Variants in NRBP1 observed in about 807,000 individuals in gnomAD.
NRBP1 encodes the protein nuclear receptor-binding protein.
In NRBP1, 10 loss-of-function variants were observed where a neutral mutation model predicts 76.0. That is an observed-to-expected ratio of 0.13 (90% CI 0.08 to 0.22). The LOEUF (loss-of-function observed/expected upper bound fraction) is 0.22. Ranked by LOEUF, NRBP1 falls within the 10% of genes least tolerant of loss-of-function variation. The pLI is 1.00. For synonymous variants in NRBP1, 235 were observed against 240.2 expected, an observed-to-expected ratio of 0.98 and a Z score of 0.20; for missense variants, 344 against 646.0, an observed-to-expected ratio of 0.53 and a Z score of 5.07.
Position 27,436,797 on chromosome 2 carries a change from G to A in NRBP1, c.706G>A (p.Glu236Lys). The A allele has an allele frequency of 6.2e-7, 1 of 1,614,106 alleles. No homozygotes were observed. Among genetic ancestry groups the A allele is most frequent in the Non-Finnish European group, 8.5e-7 (1 of 1,179,996 alleles). Residue 236 changes from glutamate to lysine, a missense_variant, in exon 8 of 18, where the codon GAG becomes AAG. Glu to Lys is a moderately conservative substitution (Grantham distance 56, BLOSUM62 1). Transcript: ENST00000379852. ...INNHVKTCRE[E>K]QKNLHFFAPE... ...CAATCATGTGAAGACTTGTCGAGAA[G>A]AGCAGAAGAATCTACACTTCTTTGC...
At chr2:27,441,053 T>C in intron 14 of NRBP1, 74 bp from the exon 15 acceptor site, 1 of 1,608,550 alleles carries the variant, frequency 6.2e-7, no homozygotes, top group Non-Finnish European at 8.5e-7. Context: ...CCATGCCCTA[T>C]GGGCTCGAAA....
intron 10 of NRBP1, among the ~76,000 whole-genome samples, chr2:27,437,701 C>T (rs1324246584): frequency 4.6e-5 from 7 of 151,470 alleles, no homozygotes; most frequent in Non-Finnish European, 7.4e-5. Context: ...GAAACCCTGT[C>T]TCTACTAAAA....
intron 9 of NRBP1, 65 bp downstream of exon 9, chr2:27,437,170 A>C (rs1664340050): frequency 6.3e-7 from 1 of 1,582,974 alleles, no homozygotes; most frequent in African/African-American, 1.3e-5. Flanking sequence ...GAATGGAGGG[A>C]AGACAAGTAA....
intron 1 of NRBP1, among the ~76,000 whole-genome samples, chr2:27,430,513 G>C (rs1266079284): frequency 2.1e-5 from 3 of 141,160 alleles, no homozygotes; most frequent in Admixed American, 1.5e-4. Flanking sequence ...CTGTCACCCA[G>C]GCTGGAGTGC....
At chr2:27,432,872 C>T (rs1022407328) in intron 1 of NRBP1, among the ~76,000 whole-genome samples, 6 of 151,998 alleles carry the variant, frequency 3.9e-5, no homozygotes, top group African/African-American at 9.7e-5. Context: ...CCACTGTGCT[C>T]AGCTGGATTA....
At chr2:27,440,741 A>G (rs1219141244) in intron 13 of NRBP1, 39 bp downstream of exon 13, 1 of 1,614,070 alleles carries the variant, frequency 6.2e-7, no homozygotes, top group Non-Finnish European at 8.5e-7. Flanking sequence ...TTGAGGAAGC[A>G]GGCGGGGTTG....
intron 6 of NRBP1, 48 bp from the exon 7 acceptor site, chr2:27,435,084 CT>C: frequency 8.4e-7 from 1 of 1,193,026 alleles, no homozygotes. Context: ...TGGGTTCCCC[CT>C]GCCCTTAATT....
chr2:27,439,708 G>A, intron 10 of NRBP1, 58 bp from the exon 11 acceptor site: 3 of 1,604,278 alleles, frequency 1.9e-6, no homozygotes, highest in Non-Finnish European at 1.7e-6. Flanking sequence ...GAGCTATAAA[G>A]ATGAACACAC....
Position 27,437,130 on chromosome 2 carries a change from GA to G in NRBP1, c.804+28del, listed in dbSNP as rs747131489. ...GGTGAGGGGACTGGAGGGGAGGGGGGAAAGGGGTCAGATGAGAAGATGGAAT... is the reference window on the plus strand; with the variant it reads ...GGTGAGGGGACTGGAGGGGAGGGGGGAAGGGGTCAGATGAGAAGATGGAAT... On this transcript the variant is annotated intron_variant, in intron 9 of 17. Transcript: ENST00000379852. 4.6e-5 allele frequency: 74 copies of G among 1,606,240 alleles called. No homozygotes were observed. The African/African-American group carries it at 7.4e-4, about 16-fold the overall frequency.
intron 4 of NRBP1, 81 bp downstream of exon 4, chr2:27,434,171 G>T (rs771924846): frequency 5.2e-6 from 6 of 1,154,844 alleles, no homozygotes; most frequent in Non-Finnish European, 7.6e-6. Context: ...TACACTCAGA[G>T]ATTAAAACAA....
At position 27,438,177 on chromosome 2, in the gene NRBP1, C is replaced by CA. The variant is rs374457826; in HGVS notation, c.903+832dup. Among the ~76,000 whole-genome samples, 1,035 of 133,114 alleles carry CA rather than the reference C, an allele frequency of 7.8e-3. 7 individuals carry two copies. The highest frequency in any genetic ancestry group is 0.023 in the African/African-American group (851 of 37,630). The allele number at this position is 133,114 out of a possible 152,430, so 87.3% of individuals were successfully genotyped here. On this transcript the variant is annotated intron_variant, in intron 10 of 17. Coordinates refer to ENST00000379852, the MANE Select transcript of NRBP1 (RefSeq NM_013392.4). Reference sequence around the variant, plus strand: ...CTGGGGCAAGAGAGCGAGACTGTCTCAAAAAAAAAAAAAAAGTATGTTAAT... The same window carrying CA: ...CTGGGGCAAGAGAGCGAGACTGTCTCAAAAAAAAAAAAAAAAGTATGTTAAT...
At chr2:27,437,882 G>GAA (rs879896615) in intron 10 of NRBP1, among the ~76,000 whole-genome samples, 1 of 136,094 alleles carries the variant, frequency 7.3e-6, no homozygotes. Flanking sequence ...CAGAAAAAAA[G>GAA]AAAAAAAAAA....
Position 27,441,943 on chromosome 2 carries a change from G to C in NRBP1, c.*131G>C. On this transcript the variant is annotated 3_prime_UTR_variant, in exon 18 of 18. Transcript: ENST00000379852. ...CTCCTTTATTATTCAGGAGGGCTGGGGGGGCTCCCTGGTTCTGAGCATCAT... is the reference window on the plus strand; with the variant it reads ...CTCCTTTATTATTCAGGAGGGCTGGCGGGGCTCCCTGGTTCTGAGCATCAT... 2 of 655,428 alleles carry C rather than the reference G, an allele frequency of 3.1e-6. No individual in the cohort carries two copies. The highest frequency in any genetic ancestry group is 5.4e-6 in the Non-Finnish European group (2 of 368,176). The allele number at this position is 655,428 out of a possible 1,614,324, so 40.6% of individuals were successfully genotyped here. A position where few individuals can be genotyped will look rare whatever the true frequency, so the allele number is the denominator to read the frequency against.
At position 27,442,027 on chromosome 2, in the gene NRBP1, G is replaced by A; in HGVS notation, c.*215G>A. ...CTTTGTTTACTTGTTTTGCACAGAC[G>A]TGGGCCTGGGCCTTCTCAGCAGCCG... On this transcript the variant is annotated 3_prime_UTR_variant, in exon 18 of 18. Transcript: ENST00000379852. The A allele has an allele frequency of 3.6e-6, 2 of 557,410 alleles. No individual in the cohort carries two copies. Among genetic ancestry groups the A allele is most frequent in the East Asian group, 2.9e-5 (1 of 33,908 alleles). The allele number at this position is 557,410 out of a possible 1,614,324, so 34.5% of individuals were successfully genotyped here.
intron 1 of NRBP1, among the ~76,000 whole-genome samples, chr2:27,432,559 T>C (rs958532889): frequency 2.0e-5 from 3 of 151,868 alleles, no homozygotes; most frequent in Non-Finnish European, 4.4e-5. Context: ...CAGATAAGTA[T>C]TAGGATTATT....
In NRBP1 at chr2:27,434,554, T is replaced by C. The variant is rs530950969; in HGVS notation, c.519T>C (p.Asn173=). ...CCAAAAAGAACCACAAGACGATGAA[T>C]GAAAAGGTATAGAAGGAGAGCAGAC... ...KKTKKNHKTM[N]EKAWKRWCTQ... is the part of the protein sequence containing the mutation. Residue 173 remains asparagine, a synonymous_variant, in exon 5 of 18, where the codon AAT becomes AAC. Transcript: ENST00000379852. 6.2e-7 allele frequency: 1 copy of C among 1,613,620 alleles called. No homozygotes were observed. Among genetic ancestry groups the C allele is most frequent in the Non-Finnish European group, 8.5e-7 (1 of 1,179,550 alleles).
At position 27,442,259 on chromosome 2, in the gene NRBP1, A is replaced by C. The variant is rs1664617053; in HGVS notation, c.*447A>C. The C allele has an allele frequency of 1.4e-6, 1 of 690,662 alleles. No homozygotes were observed. The highest frequency in any genetic ancestry group is 2.3e-6 in the Non-Finnish European group (1 of 437,022). 42.8% of individuals were successfully genotyped at this position (690,662 alleles called of 1,614,324 possible). On this transcript the variant is annotated 3_prime_UTR_variant, in exon 18 of 18. Coordinates refer to ENST00000379852, the MANE Select transcript of NRBP1 (RefSeq NM_013392.4). ...TAATAAAAGTCTACTTTTTGCTAAA[A>C]GCGTCGTGTGTTCGCGCCTTTCCCG...
intron 4 of NRBP1, 73 bp downstream of exon 4, chr2:27,434,163 C>T: frequency 8.3e-7 from 1 of 1,200,924 alleles, no homozygotes; most frequent in Non-Finnish European, 1.2e-6. Flanking sequence ...GTTCCTTTTA[C>T]ACTCAGAGAT....
intron 10 of NRBP1, among the ~76,000 whole-genome samples, chr2:27,438,775 C>T (rs1001118626): frequency 5.3e-5 from 8 of 151,988 alleles, no homozygotes; most frequent in Non-Finnish European, 8.8e-5. Context: ...GCCTGGGCAA[C>T]GTGGTAAAAC....
Sources: allele counts gnomAD v4.1 joint callset (sites outside exome capture counted in the v4.1 genomes callset), GRCh38; gene constraint gnomAD v4.1.1; transcripts MANE v1.5; gene names NCBI Gene and HGNC (gene_info 2026-07-23, HGNC 2026-07-21).